SYNE2: variants seen among roughly 807,000 people sequenced by gnomAD.
SYNE2 encodes spectrin repeat containing nuclear envelope protein 2, also known as nesprin-2.
SYNE2 carries 431 observed loss-of-function variants against 856.3 expected under a neutral mutation model. The observed-to-expected ratio is 0.50, with a 90% CI of 0.47 to 0.55. SYNE2 has a LOEUF of 0.55. Among genes scored for constraint, SYNE2 ranks in the 20% least tolerant of loss-of-function variants. SYNE2 has a pLI of 0.00. For synonymous variants in SYNE2, 2,923 were observed against 2,872.3 expected (o/e 1.02, Z -0.56); for missense variants, 8,129 against 8,023.2 (o/e 1.01, Z -0.50).
At chr14:63,867,932 G>A (rs1440304328) in intron 1 of SYNE2, among the ~76,000 whole-genome samples, 1 of 151,958 alleles carries the variant, frequency 6.6e-6, no homozygotes, top group Non-Finnish European at 1.5e-5. Context: ...GTGGTGGCAT[G>A]AACCTGTGTT....
At chr14:64,119,371 G>A in intron 66 of SYNE2, 56 bp from the exon 67 acceptor site, 1 of 1,602,416 alleles carries the variant, frequency 6.2e-7, no homozygotes, top group South Asian at 1.1e-5. Flanking sequence ...TTGTTTGCAG[G>A]CACAATACTT....
At chr14:63,960,975 C>T in intron 8 of SYNE2, 1 of 527,620 alleles carries the variant, frequency 1.9e-6, no homozygotes, top group Non-Finnish European at 3.4e-6. Context: ...ACTCTTAATG[C>T]AACACAAAGC....
chr14:64,224,053 A>G (rs1435291738), intron 113 of SYNE2, among the ~76,000 whole-genome samples: 2 of 151,974 alleles, frequency 1.3e-5, no homozygotes, highest in African/African-American at 4.8e-5. Flanking sequence ...CCCCTTCAGG[A>G]AAGATTTAAG....
chr14:63,941,648 T>TAAAGG, intron 3 of SYNE2, 47 bp from the exon 4 acceptor site: 3 of 1,534,188 alleles, frequency 2.0e-6, no homozygotes, highest in Non-Finnish European at 2.7e-6. Context: ...AAGGTATTCT[T>TAAAGG]TTTGGACCAA....
At chr14:64,101,442 C>A (rs1221453675) in intron 63 of SYNE2, among the ~76,000 whole-genome samples, 2 of 152,034 alleles carry the variant, frequency 1.3e-5, no homozygotes, top group African/African-American at 4.8e-5. Context: ...ATTTTTCTAA[C>A]TTTTACGTAT....
intron 1 of SYNE2, among the ~76,000 whole-genome samples, chr14:63,866,619 A>G (rs1019193342): frequency 2.6e-5 from 4 of 152,210 alleles, no homozygotes; most frequent in Admixed American, 6.5e-5. Context: ...GAACAGGTAA[A>G]TTCTCTAACA....
intron 84 of SYNE2, among the ~76,000 whole-genome samples, chr14:64,147,708 C>G (rs1376151222): frequency 6.6e-6 from 1 of 152,152 alleles, no homozygotes; most frequent in Non-Finnish European, 1.5e-5. Flanking sequence ...CCTCTCTGCC[C>G]TCTTTAGCAC....
At chr14:63,859,868 A>G (rs1297693486) in intron 1 of SYNE2, among the ~76,000 whole-genome samples, 1 of 152,068 alleles carries the variant, frequency 6.6e-6, no homozygotes, top group Non-Finnish European at 1.5e-5. Context: ...AGCCTGCACT[A>G]AAGGAGTGGA....
intron 78 of SYNE2, among the ~76,000 whole-genome samples, chr14:64,136,108 G>T (rs562302530): frequency 6.6e-6 from 1 of 152,136 alleles, no homozygotes; most frequent in Admixed American, 6.5e-5. Context: ...TAGCCAATAT[G>T]GTAAAACCCC....
At chr14:64,207,868 C>T (rs2098615677) in intron 100 of SYNE2, 1 of 383,534 alleles carries the variant, frequency 2.6e-6, no homozygotes, top group Non-Finnish European at 5.2e-6. Flanking sequence ...GCTGTGGTCT[C>T]ATGTCACTTG....
intron 99 of SYNE2, among the ~76,000 whole-genome samples, chr14:64,195,616 T>C (rs2139775401): frequency 6.6e-6 from 1 of 152,364 alleles, no homozygotes; most frequent in East Asian, 1.9e-4. Context: ...GCAATTAAAA[T>C]GTTACCGTTA....
chr14:63,953,049 A>G (rs1482417762), intron 7 of SYNE2, among the ~76,000 whole-genome samples: 1 of 152,190 alleles, frequency 6.6e-6, no homozygotes, highest in Non-Finnish European at 1.5e-5. Flanking sequence ...CCCTGGTGAT[A>G]TGCCAGGCAT....
chr14:63,957,264 A>ATTTTTTTT (rs4027476), intron 8 of SYNE2, among the ~76,000 whole-genome samples: 2 of 110,810 alleles, frequency 1.8e-5, no homozygotes, highest in Non-Finnish European at 3.6e-5. Flanking sequence ...TGCCCAGCTA[A>ATTTTTTTT]TTTTTTTTTT....
intron 66 of SYNE2, among the ~76,000 whole-genome samples, chr14:64,114,625 CTT>C (rs759059843): frequency 2.1e-5 from 3 of 141,620 alleles, no homozygotes; most frequent in Admixed American, 7.2e-5. Flanking sequence ...AAAGTCAGTT[CTT>C]TTTTTTTTTT....
At chr14:64,099,096 C>A (rs2097700579) in intron 63 of SYNE2, 3 of 420,896 alleles carry the variant, frequency 7.1e-6, no homozygotes, top group Admixed American at 7.2e-5. Flanking sequence ...TTTCTGAGGA[C>A]TTTCTCTGAA....
At chr14:63,763,998 A>G (rs533482506) in intron 1 of SYNE2, among the ~76,000 whole-genome samples, 2 of 152,244 alleles carry the variant, frequency 1.3e-5, no homozygotes, top group South Asian at 2.1e-4. Context: ...TTAATTTACA[A>G]CTGAGTTCTA....
chr14:64,202,390 C>A, intron 99 of SYNE2: 1 of 665,310 alleles, frequency 1.5e-6, no homozygotes, highest in Non-Finnish European at 2.7e-6. Flanking sequence ...AGATCACCGG[C>A]TGCTGCAGTC....
rs753664667 is a variant in SYNE2, at chr14:63,976,673, C to T, written c.1239C>T (p.Ser413=). The T allele has an allele frequency of 6.2e-7, 1 of 1,612,870 alleles. No individual in the cohort carries two copies. The highest frequency in any genetic ancestry group is 1.1e-5 in the South Asian group (1 of 91,028). The part of the protein sequence containing the change: ...EELMDEDLSA[S]QDHSQAVTLI... ...TTATGGATGAAGATTTGTCAGCCTC[C>T]CAGGATCACTCTCAAGCCGTGACTC... The change falls in exon 12 of 116, where the codon TCC becomes TCT. Residue 413 remains serine, a synonymous_variant. Coordinates refer to ENST00000555002, the MANE Select transcript of SYNE2 (RefSeq NM_182914.3).
intron 33 of SYNE2, 36 bp downstream of exon 33, chr14:64,016,667 T>C: frequency 7.0e-7 from 1 of 1,428,958 alleles, no homozygotes; most frequent in Non-Finnish European, 9.8e-7. Flanking sequence ...AATTTAATTT[T>C]GTTTCCAATA....
Sources: gnomAD v4.1 joint callset for allele counts (sites outside exome capture counted in the v4.1 genomes callset) on GRCh38, gnomAD v4.1.1 for gene constraint, MANE v1.5 for transcripts, NCBI Gene and HGNC (gene_info 2026-07-23, HGNC 2026-07-21) for gene names.